Variants in IGSF3 observed in about 807,000 individuals in gnomAD.
IGSF3 encodes the protein glu-Trp-Ile EWI motif-containing protein 3.
IGSF3 carries 23 observed loss-of-function variants against 114.4 expected under a neutral mutation model. The observed-to-expected ratio is 0.20, with a 90% CI of 0.14 to 0.28. The LOEUF (loss-of-function observed/expected upper bound fraction) is 0.28, where lower values mean the gene tolerates loss of function less well. Ranked by LOEUF, IGSF3 falls within the 10% of genes least tolerant of loss-of-function variation. The pLI, the probability that IGSF3 is intolerant of heterozygous loss-of-function variation, is 1.00. For missense variants in IGSF3, 1,172 were observed against 1,591.5 expected (o/e 0.74, Z 4.48); for synonymous variants, 571 against 645.2 (o/e 0.88, Z 1.74).
Position 116,633,922 on chromosome 1 carries a change from A to G in IGSF3, c.44-17465T>C, listed in dbSNP as rs1011172576. Among the ~76,000 whole-genome samples the G allele has an allele frequency of 2.0e-5, 3 of 152,268 alleles. No homozygotes were observed. Among genetic ancestry groups the G allele is most frequent in the Non-Finnish European group, 4.4e-5 (3 of 68,048 alleles). On this transcript the variant is annotated intron_variant, in intron 2 of 10. Coordinates refer to ENST00000369486, the MANE Select transcript of IGSF3 (RefSeq NM_001007237.3). This position sits in a 1 kb window ranked among gnomAD's most constrained non-coding sequence, Gnocchi z 4.3. Reference sequence around the variant, plus strand: ...GCTCTGCCCTCTCACAAAGGTGAGTAGATGGGTCTGGAGAGGGCTGTTCAT... The same window carrying G: ...GCTCTGCCCTCTCACAAAGGTGAGTGGATGGGTCTGGAGAGGGCTGTTCAT...
chr1:116,658,618 T>C (rs185167833), intron 2 of IGSF3, among the ~76,000 whole-genome samples: 12 of 152,262 alleles, frequency 7.9e-5, no homozygotes, highest in Admixed American at 2.0e-4. Context: ...TCCACCCCTT[T>C]AGAAGTGCCC....
At chr1:116,622,271 C>T (rs1030523523) in intron 2 of IGSF3, among the ~76,000 whole-genome samples, 15 of 152,166 alleles carry the variant, frequency 9.9e-5, no homozygotes, top group Admixed American at 2.0e-4. Context: ...TACCATGTAG[C>T]AAACTCACAG....
rs865934486 is a variant in IGSF3, at chr1:116,647,748, A to G, written c.43+18536T>C. On this transcript the variant is annotated intron_variant, in intron 2 of 10. Transcript: ENST00000369486. The surrounding 1 kb of genome is among the most constrained non-coding windows in gnomAD (Gnocchi z 4.6). ...AGGCCGACTGACAGACCACTCGGGT[A>G]GCACTTTTTCTGGGATTAAGCTTAG... Among the ~76,000 whole-genome samples the G allele has an allele frequency of 6.6e-6, 1 of 152,260 alleles. No individual in the cohort carries two copies. The highest frequency in any genetic ancestry group is 1.5e-5 in the Non-Finnish European group (1 of 68,048).
Position 116,612,134 on chromosome 1 carries a change from T to C in IGSF3, c.832+1631A>G, listed in dbSNP as rs1366735665. 6.6e-6 allele frequency among the ~76,000 whole-genome samples: 1 copy of C among 151,740 alleles called. No homozygotes were observed. Among genetic ancestry groups the C allele is most frequent in the Non-Finnish European group, 1.5e-5 (1 of 68,030 alleles). ...TAAGATTAAAATAAAGAAGATTAACTGATGCAACCTAATTTAAAAGCATTA... is the reference window on the plus strand; with the variant it reads ...TAAGATTAAAATAAAGAAGATTAACCGATGCAACCTAATTTAAAAGCATTA... On this transcript the variant is annotated intron_variant, in intron 4 of 10. Coordinates refer to ENST00000369486, the MANE Select transcript of IGSF3 (RefSeq NM_001007237.3). This position sits in a 1 kb window ranked among gnomAD's most constrained non-coding sequence, Gnocchi z 4.1.
rs1272998375 is a variant in IGSF3, at chr1:116,612,070, T to C, written c.832+1695A>G. Among the ~76,000 whole-genome samples, 2 of 152,160 alleles carry C rather than the reference T, an allele frequency of 1.3e-5. No homozygotes were observed. Among genetic ancestry groups the C allele is most frequent in the Non-Finnish European group, 1.5e-5 (1 of 68,028 alleles). ...CTTTTGCTGGCTTAGTCTAGATACA[T>C]TTTCAGGGTAAATTCAAAAAGTTCT... is the stretch of plus-strand genomic sequence containing the variant. On this transcript the variant is annotated intron_variant, in intron 4 of 10. Coordinates refer to ENST00000369486, the MANE Select transcript of IGSF3 (RefSeq NM_001007237.3). This position sits in a 1 kb window ranked among gnomAD's most constrained non-coding sequence, Gnocchi z 4.1.
chr1:116,608,075 G>A lies in IGSF3; in HGVS notation c.1089C>T (p.Ile363=). The A allele has an allele frequency of 6.2e-7, 1 of 1,613,934 alleles. No homozygotes were observed. Among genetic ancestry groups the A allele is most frequent in the African/African-American group, 1.3e-5 (1 of 75,028 alleles). ...CGCTATCTTCCTGGCGGAGGTGGTA[G>A]ATCTTCAGCACAAAGACACTGTCGC... ...KESDSVFVLK[I]YHLRQEDSGK... Residue 363 remains isoleucine, a synonymous_variant, in exon 5 of 11, where the codon ATC becomes ATT. Coordinates refer to ENST00000369486, the MANE Select transcript of IGSF3 (RefSeq NM_001007237.3).
chr1:116,637,614 A>C (rs1272979567), intron 2 of IGSF3, among the ~76,000 whole-genome samples: 2 of 152,182 alleles, frequency 1.3e-5, no homozygotes, highest in Non-Finnish European at 2.9e-5. Context: ...TTTAGAGGCC[A>C]CATCACATGG....
chr1:116,606,214 G>A (rs1660786818), intron 5 of IGSF3, among the ~76,000 whole-genome samples: 1 of 152,242 alleles, frequency 6.6e-6, no homozygotes, highest in Non-Finnish European at 1.5e-5. Context: ...CTAAGCGCAG[G>A]GCGGTGGGTG....
Position 116,666,230 on chromosome 1 carries a change from C to A in IGSF3, c.43+54G>T. ...AAAGAACCACGAGAAATTACAGGAACCAAGAGCAGGTTAAACTTTCACATC... is the reference window on the plus strand; with the variant it reads ...AAAGAACCACGAGAAATTACAGGAAACAAGAGCAGGTTAAACTTTCACATC... On this transcript the variant is annotated intron_variant, in intron 2 of 10. Transcript: ENST00000369486. 2.0e-6 allele frequency: 3 copies of A among 1,520,564 alleles called. No homozygotes were observed. The South Asian group carries it at 3.4e-5, about 17-fold the overall frequency. 94.2% of individuals were successfully genotyped at this position (1,520,564 alleles called of 1,614,324 possible). A position where few individuals can be genotyped will look rare whatever the true frequency, so the allele number is the denominator to read the frequency against.
rs1648587580 is a variant in IGSF3, at chr1:116,650,482, T to C, written c.43+15802A>G. Among the ~76,000 whole-genome samples the C allele has an allele frequency of 6.6e-6, 1 of 152,122 alleles. No individual in the cohort carries two copies. Among genetic ancestry groups the C allele is most frequent in the African/African-American group, 2.4e-5 (1 of 41,416 alleles). On this transcript the variant is annotated intron_variant, in intron 2 of 10. Transcript: ENST00000369486. This position sits in a 1 kb window ranked among gnomAD's most constrained non-coding sequence, Gnocchi z 5.0. ...CCATGTCACACGCCCATGTCTAAAT[T>C]ACGGGCCTCCAGGATGGGCTCAGCT...
In IGSF3 at chr1:116,598,423, C is replaced by T. The variant is rs1660430997; in HGVS notation, c.2029+1518G>A. 6.6e-6 allele frequency among the ~76,000 whole-genome samples: 1 copy of T among 152,228 alleles called. No homozygotes were observed. Among genetic ancestry groups the T allele is most frequent in the South Asian group, 2.1e-4 (1 of 4,834 alleles). On this transcript the variant is annotated intron_variant, in intron 7 of 10. Transcript: ENST00000369486. The surrounding 1 kb of genome is among the most constrained non-coding windows in gnomAD (Gnocchi z 4.3). ...AAGCAAAACAGCCTCTTCCCTGAGC[C>T]TCTTGTCAGTCGAAGTTTAGGCTGT...
At chr1:116,619,143 T>A (rs1246194560) in intron 2 of IGSF3, among the ~76,000 whole-genome samples, 1 of 152,214 alleles carries the variant, frequency 6.6e-6, no homozygotes, top group Non-Finnish European at 1.5e-5. Context: ...TCACTAGCTT[T>A]AAGTTTCTCT....
chr1:116,584,231 G>T lies in IGSF3; in HGVS notation c.2848+414C>A, dbSNP rs1488306809. 6.6e-6 allele frequency among the ~76,000 whole-genome samples: 1 copy of T among 151,960 alleles called. No homozygotes were observed. Among genetic ancestry groups the T allele is most frequent in the African/African-American group, 2.4e-5 (1 of 41,368 alleles). On this transcript the variant is annotated intron_variant, in intron 9 of 10. Coordinates refer to ENST00000369486, the MANE Select transcript of IGSF3 (RefSeq NM_001007237.3). This position sits in a 1 kb window ranked among gnomAD's most constrained non-coding sequence, Gnocchi z 5.8. ...AAGTATTGGGAAGTGACAGAGTGAA[G>T]GCTGCACACAATTCATTGTTTTCTA...
intron 2 of IGSF3, among the ~76,000 whole-genome samples, chr1:116,663,067 T>C (rs969373111): frequency 7.9e-5 from 12 of 152,268 alleles, no homozygotes; most frequent in Non-Finnish European, 1.6e-4. Context: ...GGTTCTCAGA[T>C]GTCCCAATCT....
At chr1:116,635,954 T>C (rs960023414) in intron 2 of IGSF3, among the ~76,000 whole-genome samples, 49 of 152,324 alleles carry the variant, frequency 3.2e-4, no homozygotes, top group African/African-American at 9.4e-4. Context: ...CCTTAACTCA[T>C]CTTTGTGTGT....
At position 116,588,287 on chromosome 1, in the gene IGSF3, C is replaced by T. The variant is rs1659939303; in HGVS notation, c.2440+407G>A. Among the ~76,000 whole-genome samples, 1 of 152,150 alleles carries T rather than the reference C, an allele frequency of 6.6e-6. No individual in the cohort carries two copies. ...CTAAGGAAGAAGGGGGATGCAGATGCATAAAACCAGAAAATGCCTTCTAGG... is the reference window on the plus strand; with the variant it reads ...CTAAGGAAGAAGGGGGATGCAGATGTATAAAACCAGAAAATGCCTTCTAGG... On this transcript the variant is annotated intron_variant, in intron 8 of 10. Coordinates refer to ENST00000369486, the MANE Select transcript of IGSF3 (RefSeq NM_001007237.3). The surrounding 1 kb of genome is among the most constrained non-coding windows in gnomAD (Gnocchi z 4.9).
chr1:116,630,191 GC>G (rs1272634538), intron 2 of IGSF3, among the ~76,000 whole-genome samples: 1 of 152,182 alleles, frequency 6.6e-6, no homozygotes, highest in Non-Finnish European at 1.5e-5. Context: ...AAAAGCCTCT[GC>G]CCCCTGGTGG....
In IGSF3 at chr1:116,651,919, A is replaced by T. The variant is rs1021813097; in HGVS notation, c.43+14365T>A. 3.9e-5 allele frequency among the ~76,000 whole-genome samples: 6 copies of T among 152,242 alleles called. No homozygotes were observed. The highest frequency in any genetic ancestry group is 1.4e-4 in the African/African-American group (6 of 41,474). Reference sequence around the variant, plus strand: ...CTAGCCTATAAACTACACAAAGATGAGGATTATGTCTCCTCCATTTCACAC... The same window carrying T: ...CTAGCCTATAAACTACACAAAGATGTGGATTATGTCTCCTCCATTTCACAC... On this transcript the variant is annotated intron_variant, in intron 2 of 10. Coordinates refer to ENST00000369486, the MANE Select transcript of IGSF3 (RefSeq NM_001007237.3). This position sits in a 1 kb window ranked among gnomAD's most constrained non-coding sequence, Gnocchi z 4.4.
intron 8 of IGSF3, among the ~76,000 whole-genome samples, chr1:116,587,022 C>A (rs975082056): frequency 3.3e-5 from 5 of 151,646 alleles, no homozygotes; most frequent in African/African-American, 1.2e-4. Flanking sequence ...AATATAATAA[C>A]CTCAGGCAAA....
Sources: gnomAD v4.1 joint callset for allele counts (sites outside exome capture counted in the v4.1 genomes callset) on GRCh38, gnomAD v4.1.1 for gene constraint, Gnocchi (gnomAD v3.1) non-coding constraint, MANE v1.5 for transcripts, NCBI Gene and HGNC (gene_info 2026-07-23, HGNC 2026-07-21) for gene names.